KCNB2: variants seen among roughly 807,000 people sequenced by gnomAD.
The protein encoded by KCNB2 is potassium voltage-gated channel subfamily B member 2.
In KCNB2, 15 loss-of-function variants were observed where a neutral mutation model predicts 61.5. The ratio of observed to expected loss-of-function variants is 0.24; its 90% CI spans 0.16 to 0.38. KCNB2 has a LOEUF of 0.38. Among genes scored for constraint, KCNB2 ranks in the 10% least tolerant of loss-of-function variants. The pLI is 1.00. For missense variants in KCNB2, 828 were observed against 1,125.2 expected (o/e 0.74, Z 3.78); for synonymous variants, 457 against 446.0 (o/e 1.02, Z -0.31).
At chr8:72,763,259 A>G (rs1808413750) in intron 2 of KCNB2, among the ~76,000 whole-genome samples, 1 of 152,020 alleles carries the variant, frequency 6.6e-6, no homozygotes, top group Non-Finnish European at 1.5e-5. Flanking sequence ...GTATTTCACT[A>G]AGGTGCAGAT....
At chr8:72,788,097 T>A (rs1296334058) in intron 2 of KCNB2, among the ~76,000 whole-genome samples, 1 of 152,220 alleles carries the variant, frequency 6.6e-6, no homozygotes, top group East Asian at 1.9e-4. Flanking sequence ...ATTAAGGACT[T>A]GGCATTCTGT....
chr8:72,898,813 C>G (rs912652015), intron 2 of KCNB2, among the ~76,000 whole-genome samples: 5 of 152,136 alleles, frequency 3.3e-5, no homozygotes, highest in Non-Finnish European at 7.3e-5. Flanking sequence ...AAGTACTCCA[C>G]AGTGTCTGTT....
chr8:72,655,991 G>C (rs1194205269), intron 2 of KCNB2, among the ~76,000 whole-genome samples: 1 of 152,138 alleles, frequency 6.6e-6, no homozygotes, highest in Non-Finnish European at 1.5e-5. Flanking sequence ...GGTCAAGAAA[G>C]GTTTCTTAGT....
chr8:72,828,800 CA>C (rs1809641655), intron 2 of KCNB2, among the ~76,000 whole-genome samples: 1 of 152,168 alleles, frequency 6.6e-6, no homozygotes, highest in African/African-American at 2.4e-5. Context: ...CAAAGTAAAA[CA>C]CACACTAGTA....
chr8:72,668,911 A>G (rs564608137), intron 2 of KCNB2, among the ~76,000 whole-genome samples: 1 of 151,720 alleles, frequency 6.6e-6, no homozygotes. Context: ...TTTTTATATT[A>G]TATATTTGTG....
intron 2 of KCNB2, among the ~76,000 whole-genome samples, chr8:72,769,126 C>T (rs1439492902): frequency 6.6e-6 from 1 of 152,022 alleles, no homozygotes; most frequent in East Asian, 1.9e-4. Context: ...TGCCATTGCA[C>T]TCCAGCCTGG....
intron 2 of KCNB2, among the ~76,000 whole-genome samples, chr8:72,662,667 G>T (rs1303262407): frequency 6.6e-6 from 1 of 152,146 alleles, no homozygotes; most frequent in African/African-American, 2.4e-5. Context: ...CAGTCCTGGA[G>T]ATGTCATCCT....
chr8:72,791,779 T>A (rs1808946449), intron 2 of KCNB2, among the ~76,000 whole-genome samples: 2 of 152,202 alleles, frequency 1.3e-5, no homozygotes, highest in South Asian at 4.1e-4. Context: ...CTTGGTTATC[T>A]GTTCCAGAGG....
At chr8:72,791,129 C>A (rs1432580145) in intron 2 of KCNB2, among the ~76,000 whole-genome samples, 1 of 152,072 alleles carries the variant, frequency 6.6e-6, no homozygotes, top group Non-Finnish European at 1.5e-5. Context: ...TAGTATGAGG[C>A]AAGATGTTAG....
At chr8:72,574,738 T>G (rs1361763831) in intron 2 of KCNB2, among the ~76,000 whole-genome samples, 1 of 152,226 alleles carries the variant, frequency 6.6e-6, no homozygotes, top group Non-Finnish European at 1.5e-5. Context: ...TATTACTTAG[T>G]GTTATCACAA....
intron 2 of KCNB2, among the ~76,000 whole-genome samples, chr8:72,716,109 A>G (rs1232476840): frequency 9.9e-5 from 15 of 152,140 alleles, no homozygotes; most frequent in Non-Finnish European, 8.8e-5. Context: ...AAGACTAAAC[A>G]AGGAAGAAAC....
At chr8:72,904,536 A>G (rs1388131610) in intron 2 of KCNB2, among the ~76,000 whole-genome samples, 1 of 152,190 alleles carries the variant, frequency 6.6e-6, no homozygotes, top group African/African-American at 2.4e-5. Context: ...ACATTTTAAA[A>G]AAGAAAAAGA....
intron 2 of KCNB2, among the ~76,000 whole-genome samples, chr8:72,806,568 T>C (rs567131117): frequency 1.3e-5 from 2 of 151,682 alleles, no homozygotes; most frequent in South Asian, 4.2e-4. Context: ...TGAACTGAGA[T>C]TGCACCACTG....
chr8:72,593,297 G>C (rs1014960247), intron 2 of KCNB2, among the ~76,000 whole-genome samples: 1 of 152,148 alleles, frequency 6.6e-6, no homozygotes, highest in Non-Finnish European at 1.5e-5. Context: ...CTTATTCAAA[G>C]ACTTTTATTA....
chr8:72,731,633 G>A (rs1807739363), intron 2 of KCNB2, among the ~76,000 whole-genome samples: 1 of 152,220 alleles, frequency 6.6e-6, no homozygotes. Flanking sequence ...TTCAATGTGA[G>A]TGTGAACATA....
chr8:72,702,626 G>T (rs1807151592), intron 2 of KCNB2, among the ~76,000 whole-genome samples: 1 of 152,122 alleles, frequency 6.6e-6, no homozygotes, highest in South Asian at 2.1e-4. Flanking sequence ...TGGAAGGAAA[G>T]AAATAATGTG....
At chr8:72,862,873 A>C (rs1174911814) in intron 2 of KCNB2, among the ~76,000 whole-genome samples, 1 of 152,214 alleles carries the variant, frequency 6.6e-6, no homozygotes, top group Non-Finnish European at 1.5e-5. Context: ...TGGTATCTTC[A>C]TAGAGACTCA....
At chr8:72,584,136 G>A (rs28454415) in intron 2 of KCNB2, among the ~76,000 whole-genome samples, 24,530 of 151,042 alleles carry the variant, frequency 0.16, 2,534 homozygotes, top group East Asian at 0.47. Flanking sequence ...CCGTTTAGAG[G>A]AAAAGAACAT....
At chr8:72,664,333 A>G (rs1156312705) in intron 2 of KCNB2, among the ~76,000 whole-genome samples, 2 of 152,238 alleles carry the variant, frequency 1.3e-5, no homozygotes, top group East Asian at 3.8e-4. Flanking sequence ...CATTTTGTGC[A>G]AGGGGTGAAT....
Sources: gnomAD v4.1 joint callset for allele counts (sites outside exome capture counted in the v4.1 genomes callset) on GRCh38, gnomAD v4.1.1 for gene constraint, MANE v1.5 for transcripts, NCBI Gene and HGNC (gene_info 2026-07-23, HGNC 2026-07-21) for gene names.